NSD2: variants seen among roughly 807,000 people sequenced by gnomAD.
NSD2 encodes the protein histone-lysine N-methyltransferase NSD2.
A neutral mutation model predicts 139.0 loss-of-function variants in NSD2; 12 were observed. That is an observed-to-expected ratio of 0.09 (90% confidence interval 0.06 to 0.14). The LOEUF (loss-of-function observed/expected upper bound fraction) is 0.14, where lower values mean the gene tolerates loss of function less well. Among genes scored for constraint, NSD2 ranks in the 10% least tolerant of loss-of-function variants. NSD2 has a pLI of 1.00. For synonymous variants in NSD2, 669 were observed against 648.7 expected (o/e 1.03, Z -0.48); for missense variants, 1,155 against 1,745.0 (o/e 0.66, Z 6.02).
At chr4:1,934,295 G>T (rs1297990465) in intron 6 of NSD2, among the ~76,000 whole-genome samples, 1 of 151,596 alleles carries the variant, frequency 6.6e-6, no homozygotes, top group Non-Finnish European at 1.5e-5. Context: ...ATGTTGGTCA[G>T]GCTGGTCTCA....
At chr4:1,939,253 A>T in intron 8 of NSD2, 1 of 176,916 alleles carries the variant, frequency 5.7e-6, no homozygotes, top group East Asian at 1.3e-4. Context: ...AGCTGATGAT[A>T]TAAGAGCATT....
intron 6 of NSD2, among the ~76,000 whole-genome samples, chr4:1,932,496 C>T (rs531881505): frequency 1.3e-4 from 20 of 151,740 alleles, no homozygotes; most frequent in Admixed American, 1.3e-3. Flanking sequence ...CCTGTAATCC[C>T]AGCACTTTGG....
chr4:1,956,249 T>G lies in NSD2; in HGVS notation c.2881+61T>G. 1 of 1,423,248 alleles carries G rather than the reference T, an allele frequency of 7.0e-7. No individual in the cohort carries two copies. The allele number at this position is 1,423,248 out of a possible 1,614,324, so 88.2% of individuals were successfully genotyped here. On this transcript the variant is annotated intron_variant, in intron 15 of 21. Transcript: ENST00000508803. This position sits in a 1 kb window ranked among gnomAD's most constrained non-coding sequence, Gnocchi z 5.3. ...TCTCGTGCATTTTCTTACCCCTAAT[T>G]TCTATTTTTTAAAATTTGATCTTTA...
chr4:1,891,737 G>C (rs945537398), intron 1 of NSD2, among the ~76,000 whole-genome samples: 10 of 151,688 alleles, frequency 6.6e-5, no homozygotes, highest in African/African-American at 2.4e-4. Context: ...GGCACCTGTA[G>C]TTCCAGCTAC....
intron 5 of NSD2, among the ~76,000 whole-genome samples, chr4:1,919,611 A>C (rs1560646099): frequency 6.6e-6 from 1 of 152,076 alleles, no homozygotes; most frequent in African/African-American, 2.4e-5. Context: ...TCAGTAGTCT[A>C]AATCTATGTG....
At chr4:1,932,988 T>C (rs1398837780) in intron 6 of NSD2, among the ~76,000 whole-genome samples, 2 of 152,198 alleles carry the variant, frequency 1.3e-5, no homozygotes, top group East Asian at 1.9e-4. Flanking sequence ...GGCTGTGCCA[T>C]GTGGTGCCTA....
intron 7 of NSD2, among the ~76,000 whole-genome samples, chr4:1,936,764 T>C (rs2108883405): frequency 6.6e-6 from 1 of 152,088 alleles, no homozygotes; most frequent in African/African-American, 2.4e-5. Context: ...TGAGTTAAAA[T>C]GCTCTTTTTA....
In NSD2 at chr4:1,940,999, C is replaced by T; in HGVS notation, c.1881+1221C>T. ...GGATGGTGGGACTGGGGCTGCTTTACAGTTTGATACGTGTAGATAATTAAG... is the reference window on the plus strand; with the variant it reads ...GGATGGTGGGACTGGGGCTGCTTTATAGTTTGATACGTGTAGATAATTAAG... On this transcript the variant is annotated intron_variant, in intron 9 of 21. Transcript: ENST00000508803. The T allele has an allele frequency of 3.8e-6, 4 of 1,058,300 alleles. No individual in the cohort carries two copies. The South Asian group carries it at 1.4e-4, about 36-fold the overall frequency. 65.6% of individuals were successfully genotyped at this position (1,058,300 alleles called of 1,614,324 possible). A position where few individuals can be genotyped will look rare whatever the true frequency, so the allele number is the denominator to read the frequency against.
chr4:1,872,591 T>TGTGTGTGA (rs1281608141), intron 1 of NSD2, among the ~76,000 whole-genome samples: 45 of 44,886 alleles, frequency 1.0e-3, no homozygotes, highest in South Asian at 4.0e-3. Flanking sequence ...TGTGTGTGTG[T>TGTGTGTGA]GAGAGAGAGA....
At chr4:1,933,328 C>G (rs186060965) in intron 6 of NSD2, among the ~76,000 whole-genome samples, 106 of 152,350 alleles carry the variant, frequency 7.0e-4, no homozygotes, top group Non-Finnish European at 1.2e-3. Flanking sequence ...TGTCTCCTGT[C>G]CCAACAGTAG....
Position 1,920,579 on chromosome 4 carries a change from T to C in NSD2, c.1410+1956T>C, listed in dbSNP as rs182445092. On this transcript the variant is annotated intron_variant, in intron 5 of 21. Transcript: ENST00000508803. Reference sequence around the variant, plus strand: ...AAGTAAACACCCTGTATTTATGGGGTATATGTGATATTTGGTACGTGCATT... The same window carrying C: ...AAGTAAACACCCTGTATTTATGGGGCATATGTGATATTTGGTACGTGCATT... Among the ~76,000 whole-genome samples the C allele has an allele frequency of 7.2e-5, 11 of 152,308 alleles. No homozygotes were observed. The East Asian group carries it at 2.1e-3, about 29-fold the overall frequency.
intron 9 of NSD2, chr4:1,947,159 A>G (rs1215102232): frequency 1.9e-6 from 2 of 1,064,578 alleles, no homozygotes; most frequent in Non-Finnish European, 2.3e-6. Flanking sequence ...CGGCCAGACC[A>G]GGCTCCTCCC....
At chr4:1,872,631 A>AGAGAGAGAGAGAGAGC (rs984225040) in intron 1 of NSD2, among the ~76,000 whole-genome samples, 5 of 133,390 alleles carry the variant, frequency 3.7e-5, no homozygotes, top group Non-Finnish European at 6.6e-5. Context: ...AGAGAGAGAG[A>AGAGAGAGAGAGAGAGC]GAGAGCGCGC....
intron 1 of NSD2, among the ~76,000 whole-genome samples, chr4:1,872,591 T>TGAGTGAGAGAGA (rs1553856419): frequency 2.2e-5 from 1 of 44,838 alleles, no homozygotes; most frequent in East Asian, 1.3e-3. Flanking sequence ...TGTGTGTGTG[T>TGAGTGAGAGAGA]GAGAGAGAGA....
chr4:1,918,599 C>A lies in NSD2; in HGVS notation c.1386C>A (p.Val462=). The A allele has an allele frequency of 1.9e-6, 3 of 1,613,774 alleles. No homozygotes were observed. Among genetic ancestry groups the A allele is most frequent in the South Asian group, 2.2e-5 (2 of 91,016 alleles). The change falls in exon 5 of 22, where the codon GTC becomes GTA. Residue 462 remains valine (V), a synonymous_variant. Coordinates refer to ENST00000508803, the MANE Select transcript of NSD2 (RefSeq NM_001042424.3). ...GAGATGCAGCATCCCAGTTTTTGGT[C>A]TTCTGTCAAAAACACAGGGATGAGG... is the stretch of plus-strand genomic sequence containing the variant. ...RKGDAASQFL[V]FCQKHRDEVV... is the part of the protein sequence containing the mutation.
At chr4:1,883,634 A>C (rs1043127674) in intron 1 of NSD2, among the ~76,000 whole-genome samples, 3 of 150,570 alleles carry the variant, frequency 2.0e-5, no homozygotes, top group Non-Finnish European at 3.0e-5. Context: ...TTGTTTCCAA[A>C]AAAAAAAAAA....
chr4:1,872,532 C>T (rs764857873), intron 1 of NSD2, among the ~76,000 whole-genome samples: 1 of 141,868 alleles, frequency 7.0e-6, no homozygotes, highest in Non-Finnish European at 1.5e-5. Context: ...GATGTGGTGA[C>T]GTTAATCGTT....
At chr4:1,915,336 G>A (rs1419349620) in intron 3 of NSD2, among the ~76,000 whole-genome samples, 2 of 151,820 alleles carry the variant, frequency 1.3e-5, no homozygotes, top group African/African-American at 2.4e-5. Context: ...GGATGGTCTC[G>A]ATTTCCTGAC....
intron 1 of NSD2, among the ~76,000 whole-genome samples, chr4:1,898,164 G>A (rs1328016964): frequency 6.6e-6 from 1 of 151,846 alleles, no homozygotes; most frequent in Non-Finnish European, 1.5e-5. Context: ...ATAGCTCACT[G>A]CAGCCTTGAC....
Sources: gnomAD v4.1 joint callset for allele counts (sites outside exome capture counted in the v4.1 genomes callset) on GRCh38, gnomAD v4.1.1 for gene constraint, Gnocchi (gnomAD v3.1) non-coding constraint, MANE v1.5 for transcripts, NCBI Gene and HGNC (gene_info 2026-07-23, HGNC 2026-07-21) for gene names.